Variants in ABCA13 observed in about 807,000 individuals in gnomAD.
The protein encoded by ABCA13 is ATP-binding cassette sub-family A member 13.
A neutral mutation model predicts 478.7 loss-of-function variants in ABCA13; 476 were observed. That is an observed-to-expected ratio of 0.99 (90% confidence interval 0.92 to 1.07). The LOEUF (loss-of-function observed/expected upper bound fraction) is 1.07. Among genes scored for constraint, ABCA13 ranks in the 50% least tolerant of loss-of-function variants. The pLI is 0.00. For synonymous variants in ABCA13, 2,252 were observed against 2,158.9 expected (o/e 1.04, Z -1.20); for missense variants, 6,060 against 5,910.6 (o/e 1.03, Z -0.83).
In ABCA13 at chr7:48,286,122, G is replaced by T. The variant is rs781705929; in HGVS notation, c.8837-1838G>T. Among the ~76,000 whole-genome samples the T allele has an allele frequency of 6.3e-4, 96 of 152,288 alleles. 1 individual carries two copies. Among genetic ancestry groups the T allele is most frequent in the Admixed American group, 3.7e-3 (56 of 15,300 alleles). On this transcript the variant is annotated intron_variant, in intron 19 of 61. Transcript: ENST00000435803. ...CCCATATACTCCCTTCCCCACCATA[G>T]CCTCCCTCATTATCAGAGTGGCACA... is the stretch of plus-strand genomic sequence containing the variant.
At chr7:48,513,087 G>C (rs1831832121) in intron 51 of ABCA13, among the ~76,000 whole-genome samples, 1 of 152,172 alleles carries the variant, frequency 6.6e-6, no homozygotes, top group African/African-American at 2.4e-5. Context: ...TGAGAGACCC[G>C]GTCTGGGGAA....
intron 42 of ABCA13, among the ~76,000 whole-genome samples, chr7:48,437,836 C>T (rs1823048673): frequency 6.6e-6 from 1 of 152,046 alleles, no homozygotes; most frequent in Admixed American, 6.6e-5. Flanking sequence ...GGGCATGTAG[C>T]CTATCTGAGC....
At chr7:48,579,945 A>G (rs1788552481) in intron 55 of ABCA13, among the ~76,000 whole-genome samples, 1 of 152,202 alleles carries the variant, frequency 6.6e-6, no homozygotes, top group Non-Finnish European at 1.5e-5. Flanking sequence ...AGACATTTAT[A>G]CTGAATTTTT....
chr7:48,496,825 C>T (rs940281675), intron 48 of ABCA13, among the ~76,000 whole-genome samples: 2 of 151,912 alleles, frequency 1.3e-5, no homozygotes. Context: ...TATTTTCTTC[C>T]TTCTCTCTTT....
At chr7:48,454,848 C>T (rs1402201179) in intron 42 of ABCA13, among the ~76,000 whole-genome samples, 189 bp from the exon 43 acceptor site, 2 of 152,242 alleles carry the variant, frequency 1.3e-5, no homozygotes, top group East Asian at 3.9e-4. Context: ...TGCAGCCTTC[C>T]GGCCCAAGGC....
chr7:48,174,872 C>T (rs1487855118), intron 1 of ABCA13, among the ~76,000 whole-genome samples: 2 of 152,188 alleles, frequency 1.3e-5, no homozygotes, highest in African/African-American at 2.4e-5. Flanking sequence ...CAGTTGTATA[C>T]ACATAATTAT....
chr7:48,329,515 T>A (rs961329447), intron 27 of ABCA13, among the ~76,000 whole-genome samples: 4 of 152,150 alleles, frequency 2.6e-5, no homozygotes, highest in African/African-American at 9.7e-5. Context: ...AAGTCCCTTT[T>A]GTTTCAGGGG....
intron 35 of ABCA13, among the ~76,000 whole-genome samples, chr7:48,382,365 T>C (rs1563159310): frequency 6.6e-6 from 1 of 152,178 alleles, no homozygotes; most frequent in Non-Finnish European, 1.5e-5. Flanking sequence ...AATAATATCC[T>C]CAGTGGCTCT....
At chr7:48,333,117 C>A (rs1273501236) in intron 27 of ABCA13, among the ~76,000 whole-genome samples, 2 of 152,140 alleles carry the variant, frequency 1.3e-5, no homozygotes, top group African/African-American at 2.4e-5. Flanking sequence ...ACTTGAGGCT[C>A]TGTTCACTTT....
rs141867809 is a variant in ABCA13, at chr7:48,243,181, G to C, written c.1263-1395G>C. The C allele has an allele frequency of 9.0e-3, 1,364 of 152,392 alleles. 3 individuals are homozygous for C. Among genetic ancestry groups the C allele is most frequent in the Non-Finnish European group, 0.015 (1,024 of 68,070 alleles). The allele number at this position is 152,392 out of a possible 1,614,324, so 9.4% of individuals were successfully genotyped here. A position where few individuals can be genotyped will look rare whatever the true frequency, so the allele number is the denominator to read the frequency against. ...ATGTGAAGTGTCTGTTCACAGATGT[G>C]GGGGGAATAGTCCCTAGGGTCTGGC... On this transcript the variant is annotated intron_variant, in intron 10 of 61. Transcript: ENST00000435803.
intron 58 of ABCA13, chr7:48,603,771 T>C: frequency 6.5e-6 from 1 of 154,564 alleles, no homozygotes; most frequent in South Asian, 1.9e-4. Context: ...ATTCCCTCTT[T>C]TTCTATTGAT....
At chr7:48,288,162 C>A in intron 20 of ABCA13, 84 bp downstream of exon 20, 1 of 1,247,538 alleles carries the variant, frequency 8.0e-7, no homozygotes, top group Non-Finnish European at 1.2e-6. Context: ...AAACTTGCTG[C>A]TTCGTTCTTA....
At chr7:48,595,580 C>T (rs946429568) in intron 58 of ABCA13, among the ~76,000 whole-genome samples, 2 of 152,094 alleles carry the variant, frequency 1.3e-5, no homozygotes, top group African/African-American at 2.4e-5. Context: ...ACTTCTGGGT[C>T]GGAGATGAAA....
chr7:48,641,959 C>A (rs555545183), intron 59 of ABCA13, among the ~76,000 whole-genome samples: 2 of 152,298 alleles, frequency 1.3e-5, no homozygotes, highest in South Asian at 2.1e-4. Context: ...TGTACCAACC[C>A]AATGTGTTGG....
At chr7:48,191,782 A>G (rs1003847171) in intron 1 of ABCA13, among the ~76,000 whole-genome samples, 1 of 152,162 alleles carries the variant, frequency 6.6e-6, no homozygotes, top group Non-Finnish European at 1.5e-5. Context: ...TTTTGTCTTC[A>G]TGGCTTTAGG....
At chr7:48,576,547 G>A (rs1788207646) in intron 55 of ABCA13, among the ~76,000 whole-genome samples, 1 of 152,132 alleles carries the variant, frequency 6.6e-6, no homozygotes, top group Non-Finnish European at 1.5e-5. Context: ...ACTGACCTGG[G>A]AAAAGGGAAA....
In ABCA13 at chr7:48,551,095, C is replaced by T. The variant is rs1035145352; in HGVS notation, c.14354+22750C>T. 2.1e-4 allele frequency among the ~76,000 whole-genome samples: 32 copies of T among 151,184 alleles called. 1 individual carries two copies. The Admixed American group carries it at 2.1e-3, about 10-fold the overall frequency. ...GTATTTTTCTTTTAAATTAGTTTAT[C>T]TGCATTGTTTCAGCTACCTGAATTT... On this transcript the variant is annotated intron_variant, in intron 55 of 61. Transcript: ENST00000435803.
intron 15 of ABCA13, among the ~76,000 whole-genome samples, chr7:48,249,805 C>G (rs1426262244): frequency 6.6e-6 from 1 of 152,218 alleles, no homozygotes; most frequent in African/African-American, 2.4e-5. Context: ...ACTTCCAACA[C>G]TGCTGTGACC....
chr7:48,564,224 G>C (rs1049536521), intron 55 of ABCA13, among the ~76,000 whole-genome samples: 1 of 151,252 alleles, frequency 6.6e-6, no homozygotes, highest in African/African-American at 2.4e-5. Context: ...CCTGAATTCT[G>C]TCCCCTTTAA....
Sources: allele counts gnomAD v4.1 joint callset (sites outside exome capture counted in the v4.1 genomes callset), GRCh38; gene constraint gnomAD v4.1.1; transcripts MANE v1.5; gene names NCBI Gene and HGNC (gene_info 2026-07-23, HGNC 2026-07-21).